LRRC37A2: variants seen among roughly 807,000 people sequenced by gnomAD.
LRRC37A2 encodes leucine-rich repeat-containing protein 37A2.
In LRRC37A2, 9 loss-of-function variants were observed where a neutral mutation model predicts 68.8. That is an observed-to-expected ratio of 0.13 (90% CI 0.08 to 0.23). LRRC37A2 has a LOEUF of 0.23. LRRC37A2 is among the 10% of genes least tolerant of loss of function. LRRC37A2 has a pLI of 1.00. For missense variants in LRRC37A2, 168 were observed against 950.4 expected, an observed-to-expected ratio of 0.18 and a Z score of 10.82; for synonymous variants, 63 against 367.6, an observed-to-expected ratio of 0.17 and a Z score of 9.48.
the LRRC37A2 span, among the ~76,000 whole-genome samples, chr17:46,976,296 G>A: frequency 1.4e-5 from 2 of 147,894 alleles, no homozygotes; most frequent in African/African-American, 4.9e-5. Context: ...ACTTTGGGAG[G>A]CCGAGGCGGG....
At chr17:46,490,998 G>A in the LRRC37A2 span, among the ~76,000 whole-genome samples, 2 of 150,440 alleles carry the variant, frequency 1.3e-5, no homozygotes, top group Non-Finnish European at 2.9e-5. Context: ...GGGTTCAAGC[G>A]ATTCTCCTGC....
the LRRC37A2 span, among the ~76,000 whole-genome samples, chr17:46,809,516 G>A: frequency 5.3e-5 from 8 of 152,264 alleles, no homozygotes; most frequent in African/African-American, 1.7e-4. Flanking sequence ...TTTTCCAGCC[G>A]AGCTGGAGGG....
chr17:46,958,368 G>C, the LRRC37A2 span, among the ~76,000 whole-genome samples: 26 of 152,240 alleles, frequency 1.7e-4, no homozygotes, highest in African/African-American at 6.3e-4. Flanking sequence ...CCTGACAGTT[G>C]CAACAGCGGG....
chr17:46,863,284 C>T, the LRRC37A2 span, among the ~76,000 whole-genome samples: 18 of 152,176 alleles, frequency 1.2e-4, no homozygotes, highest in Admixed American at 3.3e-4. Context: ...GGGACAGCCC[C>T]GAACTGCACT....
At chr17:46,519,911 G>C (rs2052073873) in intron 3 of LRRC37A2, among the ~76,000 whole-genome samples, 1 of 86,930 alleles carries the variant, frequency 1.2e-5, no homozygotes, top group Non-Finnish European at 2.9e-5. Flanking sequence ...GTGCCACCCA[G>C]AGTTGGATTC....
intron 8 of LRRC37A2, among the ~76,000 whole-genome samples, chr17:46,541,396 C>T (rs1299692089): frequency 2.0e-5 from 3 of 147,896 alleles, no homozygotes; most frequent in Non-Finnish European, 4.4e-5. Context: ...GGATTACAGG[C>T]GCATGCCACC....
the LRRC37A2 span, among the ~76,000 whole-genome samples, chr17:46,790,954 C>T: frequency 6.6e-6 from 1 of 152,236 alleles, no homozygotes; most frequent in South Asian, 2.1e-4. Context: ...AACCCCCTGC[C>T]CAGGCCTGAC....
the LRRC37A2 span, among the ~76,000 whole-genome samples, chr17:46,849,202 G>A: frequency 6.6e-6 from 1 of 152,210 alleles, no homozygotes; most frequent in Non-Finnish European, 1.5e-5. Context: ...TATTTTCCTC[G>A]TGTTTCTCAC....
At chr17:46,733,892 G>A in the LRRC37A2 span, among the ~76,000 whole-genome samples, 1 of 152,196 alleles carries the variant, frequency 6.6e-6, no homozygotes. Flanking sequence ...CTTCCTCGCT[G>A]CTCTGACACC....
the LRRC37A2 span, among the ~76,000 whole-genome samples, chr17:46,852,389 A>AGTGTGTGT: frequency 2.8e-3 from 299 of 105,366 alleles, 3 homozygotes; most frequent in Middle Eastern, 9.7e-3. Context: ...GAGAGGGCCC[A>AGTGTGTGT]GTGTGTGTGT....
chr17:46,610,027 T>TTCTTTCTTTCTTTCTTTCTCTC, the LRRC37A2 span, among the ~76,000 whole-genome samples: 3 of 109,470 alleles, frequency 2.7e-5, no homozygotes, highest in African/African-American at 9.9e-5. Context: ...CTTTCTTTCT[T>TTCTTTCTTTCTTTCTTTCTCTC]TCTCTCTCTC....
the LRRC37A2 span, among the ~76,000 whole-genome samples, chr17:46,772,424 G>T: frequency 6.6e-6 from 1 of 152,206 alleles, no homozygotes; most frequent in Non-Finnish European, 1.5e-5. Flanking sequence ...GAGGTGACTC[G>T]CTTTTGGGGA....
At chr17:46,883,140 G>A in the LRRC37A2 span, among the ~76,000 whole-genome samples, 6 of 152,032 alleles carry the variant, frequency 3.9e-5, no homozygotes, top group African/African-American at 1.2e-4. Context: ...CACCACGCCC[G>A]GCTAATTTTG....
chr17:46,750,550 G>A, the LRRC37A2 span, among the ~76,000 whole-genome samples: 1 of 152,162 alleles, frequency 6.6e-6, no homozygotes, highest in African/African-American at 2.4e-5. Flanking sequence ...TTTGGATTAG[G>A]GATACTCAAC....
At chr17:46,708,078 G>A in the LRRC37A2 span, among the ~76,000 whole-genome samples, 2 of 150,510 alleles carry the variant, frequency 1.3e-5, no homozygotes, top group Non-Finnish European at 3.0e-5. Flanking sequence ...ACCACATGTT[G>A]TTATCCATTC....
the LRRC37A2 span, chr17:46,756,343 AT>A: frequency 6.6e-6 from 1 of 152,398 alleles, no homozygotes; most frequent in Non-Finnish European, 1.5e-5. Flanking sequence ...CAAGACTGGT[AT>A]TCTCTTTGCC....
the LRRC37A2 span, among the ~76,000 whole-genome samples, chr17:46,839,912 TTTTCTTTCTTTCTTTC>T: frequency 0.045 from 5,098 of 113,344 alleles, 140 homozygotes; most frequent in African/African-American, 0.05. Context: ...ACATTTTCTC[TTTTCTTTCTTTCTTTC>T]TTTCTTTCTT....
chr17:46,766,611 A>T, the LRRC37A2 span, among the ~76,000 whole-genome samples: 1 of 152,096 alleles, frequency 6.6e-6, no homozygotes, highest in Admixed American at 6.5e-5. Context: ...CCCCACCAGG[A>T]CAGAACTTGA....
chr17:46,870,531 G>A, the LRRC37A2 span, among the ~76,000 whole-genome samples: 3 of 152,226 alleles, frequency 2.0e-5, no homozygotes, highest in Non-Finnish European at 4.4e-5. Context: ...CTAGGCCAAC[G>A]GGAGCCCGAT....
Sources: allele counts gnomAD v4.1 joint callset (sites outside exome capture counted in the v4.1 genomes callset), GRCh38; gene constraint gnomAD v4.1.1; transcripts MANE v1.5; gene names NCBI Gene and HGNC (gene_info 2026-07-23, HGNC 2026-07-21).